Variants in CCDC91 observed in about 807,000 individuals in gnomAD.
CCDC91 encodes coiled-coil domain containing 91.
A neutral mutation model predicts 63.2 loss-of-function variants in CCDC91; 48 were observed. The observed-to-expected ratio is 0.76, with a 90% CI of 0.60 to 0.97. The LOEUF (loss-of-function observed/expected upper bound fraction) is 0.97, where lower values mean the gene tolerates loss of function less well. CCDC91 is among the 50% of genes least tolerant of loss of function. The pLI is 0.00. For missense variants in CCDC91, 500 were observed against 494.6 expected, an observed-to-expected ratio of 1.01 and a Z score of -0.10; for synonymous variants, 167 against 165.8, an observed-to-expected ratio of 1.01 and a Z score of -0.06.
At chr12:28,238,136 T>C (rs868841949) in intron 1 of CCDC91, among the ~76,000 whole-genome samples, 1 of 152,134 alleles carries the variant, frequency 6.6e-6, no homozygotes, top group Non-Finnish European at 1.5e-5. Context: ...TGGAAAGATA[T>C]ACCACACAAA....
At chr12:28,212,974 A>C (rs1943328792) in intron 1 of CCDC91, among the ~76,000 whole-genome samples, 1 of 152,208 alleles carries the variant, frequency 6.6e-6, no homozygotes, top group African/African-American at 2.4e-5. Context: ...ATAAACAAAT[A>C]AGTTATAGTG....
chr12:28,325,989 A>G (rs1940959810), intron 6 of CCDC91, among the ~76,000 whole-genome samples: 1 of 152,170 alleles, frequency 6.6e-6, no homozygotes, highest in Non-Finnish European at 1.5e-5. Flanking sequence ...GATAACAAGT[A>G]TATTCCTTGC....
chr12:28,452,397 C>A, intron 10 of CCDC91, 81 bp from the exon 11 acceptor site: 1 of 986,452 alleles, frequency 1.0e-6, no homozygotes, highest in Non-Finnish European at 1.5e-6. Context: ...AGTTTTTTAT[C>A]TTTTAGGTTA....
chr12:28,542,920 A>G (rs1942732519), intron 12 of CCDC91, among the ~76,000 whole-genome samples: 1 of 152,060 alleles, frequency 6.6e-6, no homozygotes, highest in Admixed American at 6.6e-5. Context: ...TCCTAGGGCT[A>G]CTGTGGCAAT....
At chr12:28,494,171 T>C (rs1592842052) in intron 12 of CCDC91, among the ~76,000 whole-genome samples, 1 of 151,784 alleles carries the variant, frequency 6.6e-6, no homozygotes, top group East Asian at 1.9e-4. Flanking sequence ...AGGCTCCACA[T>C]AGCATCTCAG....
chr12:28,549,100 T>C lies in CCDC91; in HGVS notation c.1253T>C (p.Leu418Ser), dbSNP rs771660493. The C allele has an allele frequency of 1.7e-5, 27 of 1,612,800 alleles. No homozygotes were observed. The highest frequency in any genetic ancestry group is 2.0e-5 in the Non-Finnish European group (23 of 1,179,188). ...QVIRQRSLSSLELFLSCAQKQ... is the reference protein window; with the variant it reads ...QVIRQRSLSSSELFLSCAQKQ... ...ATCCGCCAAAGAAGCCTGTCCAGTT[T>C]GGAACTGTTCCTCTCCTGTGCACAG... is the stretch of plus-strand genomic sequence containing the variant. The change falls in exon 13 of 13, where the codon TTG (leucine) becomes TCG (serine). Residue 418 changes from leucine to serine, a missense_variant. Coordinates refer to ENST00000536442, the MANE Select transcript of CCDC91 (RefSeq NM_018318.5).
At chr12:28,359,924 C>A (rs775332205) in intron 6 of CCDC91, among the ~76,000 whole-genome samples, 7 of 152,010 alleles carry the variant, frequency 4.6e-5, no homozygotes, top group Non-Finnish European at 1.0e-4. Context: ...AATGGGAGTT[C>A]CAAAGTGATG....
At chr12:28,545,637 A>T (rs1283732539) in intron 12 of CCDC91, among the ~76,000 whole-genome samples, 1 of 152,044 alleles carries the variant, frequency 6.6e-6, no homozygotes, top group African/African-American at 2.4e-5. Flanking sequence ...AGTGGTAAAG[A>T]TGTGAAGTGA....
At chr12:28,322,742 G>C (rs992330698) in intron 6 of CCDC91, among the ~76,000 whole-genome samples, 1 of 151,186 alleles carries the variant, frequency 6.6e-6, no homozygotes, top group Non-Finnish European at 1.5e-5. Context: ...ATACTTTATG[G>C]ATAACTTCTA....
intron 6 of CCDC91, among the ~76,000 whole-genome samples, chr12:28,314,691 G>A (rs532001803): frequency 6.6e-6 from 1 of 152,102 alleles, no homozygotes. Context: ...AGTCTGACAA[G>A]AGAAAGAGTA....
At position 28,434,335 on chromosome 12, in the gene CCDC91, C is replaced by G. The variant is rs139129911; in HGVS notation, c.763-15826C>G. 1.4e-4 allele frequency among the ~76,000 whole-genome samples: 21 copies of G among 151,634 alleles called. No individual in the cohort carries two copies. The East Asian group carries it at 2.7e-3, about 20-fold the overall frequency. ...AAAAAATCATGAATACCGATTTTGT[C>G]AAATGCTTTATCTGCATCTATTGAT... is the stretch of plus-strand genomic sequence containing the variant. On this transcript the variant is annotated intron_variant, in intron 8 of 12. Coordinates refer to ENST00000536442, the MANE Select transcript of CCDC91 (RefSeq NM_018318.5).
intron 3 of CCDC91, among the ~76,000 whole-genome samples, chr12:28,299,635 A>G (rs548709897): frequency 1.3e-5 from 2 of 151,694 alleles, no homozygotes; most frequent in East Asian, 3.9e-4. Flanking sequence ...CTTGCCATTC[A>G]TTTATTATCT....
At position 28,450,216 on chromosome 12, in the gene CCDC91, TAAAG is replaced by T; in HGVS notation, c.819_822del (p.Ile273MetfsTer4). 1.2e-6 allele frequency: 2 copies of T among 1,610,448 alleles called. No individual in the cohort carries two copies. Among genetic ancestry groups the T allele is most frequent in the Non-Finnish European group, 1.7e-6 (2 of 1,177,780 alleles). The stretch of plus-strand genomic sequence containing the variant: ...GAGAAGGAACTGTTAAAAGAAAAAA[TAAAG>T]GAAGCTTTGATTCAGCAATCTCAAG... On this transcript the variant is annotated frameshift_variant, in exon 9 of 13. Coordinates refer to ENST00000536442, the MANE Select transcript of CCDC91 (RefSeq NM_018318.5). LOFTEE classifies it high-confidence loss of function.
At chr12:28,343,728 A>G (rs1028148246) in intron 6 of CCDC91, among the ~76,000 whole-genome samples, 4 of 152,158 alleles carry the variant, frequency 2.6e-5, no homozygotes, top group African/African-American at 7.2e-5. Context: ...TTTATACAGC[A>G]AATTCTTATG....
intron 12 of CCDC91, among the ~76,000 whole-genome samples, chr12:28,504,763 A>C (rs1938494084): frequency 6.6e-6 from 1 of 151,896 alleles, no homozygotes; most frequent in African/African-American, 2.4e-5. Flanking sequence ...AAATATTCTT[A>C]CGCATCTGTT....
intron 11 of CCDC91, among the ~76,000 whole-genome samples, chr12:28,461,794 C>T (rs984286372): frequency 5.3e-5 from 8 of 152,100 alleles, no homozygotes; most frequent in African/African-American, 1.9e-4. Context: ...GCTAATAAGG[C>T]AGCATAAATT....
At chr12:28,473,901 A>G (rs1400308994) in intron 11 of CCDC91, among the ~76,000 whole-genome samples, 6 of 152,144 alleles carry the variant, frequency 3.9e-5, no homozygotes, top group Admixed American at 2.0e-4. Flanking sequence ...CACCATTGGT[A>G]AATGGCATTT....
intron 1 of CCDC91, among the ~76,000 whole-genome samples, chr12:28,253,619 C>T (rs1946262718): frequency 6.6e-6 from 1 of 152,166 alleles, no homozygotes; most frequent in Admixed American, 6.5e-5. Flanking sequence ...TCCAGTGACT[C>T]ATTTTCCTTG....
intron 6 of CCDC91, among the ~76,000 whole-genome samples, chr12:28,313,200 G>T (rs1939502851): frequency 6.6e-6 from 1 of 151,816 alleles, no homozygotes; most frequent in Non-Finnish European, 1.5e-5. Context: ...CAATATACTG[G>T]TGCCTGCATC....
Sources: gnomAD v4.1 joint callset for allele counts (sites outside exome capture counted in the v4.1 genomes callset) on GRCh38, gnomAD v4.1.1 for gene constraint, MANE v1.5 for transcripts, NCBI Gene and HGNC (gene_info 2026-07-23, HGNC 2026-07-21) for gene names.